Variants in CRYBB3 observed in about 807,000 individuals in gnomAD.
The protein encoded by CRYBB3 is beta-crystallin B3.
CRYBB3 carries 35 observed loss-of-function variants against 28.3 expected under a neutral mutation model. That is an observed-to-expected ratio of 1.24 (90% CI 0.95 to 1.64). The LOEUF is 1.64. Ranked by LOEUF, CRYBB3 falls within the 40% of genes most tolerant of loss-of-function variation. The probability of loss-of-function intolerance (pLI) is 0.00; values close to 1 mark genes in which losing one functional copy is unlikely to be tolerated. For synonymous variants in CRYBB3, 106 were observed against 110.4 expected, an observed-to-expected ratio of 0.96 and a Z score of 0.25; for missense variants, 296 against 297.4, an observed-to-expected ratio of 1.00 and a Z score of 0.04.
chr22:25,200,578 G>T (rs1601405920), intron 1 of CRYBB3, among the ~76,000 whole-genome samples: 1 of 152,188 alleles, frequency 6.6e-6, no homozygotes, highest in Admixed American at 6.5e-5. Context: ...ACAGTCCTGT[G>T]TGTGTCCATG....
At position 25,201,376 on chromosome 22, in the gene CRYBB3, G is replaced by A. The variant is rs749294708; in HGVS notation, c.-20-1G>A. The A allele has an allele frequency of 1.1e-5, 18 of 1,612,680 alleles. No individual in the cohort carries two copies. The South Asian group carries it at 1.9e-4, about 17-fold the overall frequency. ...GTGAACCATTTTCTTTTGGTTTGAA[G>A]CCAGAGGTGTTCCTGGGGAGATGGC... is the stretch of plus-strand genomic sequence containing the variant. On this transcript the variant is annotated splice_acceptor_variant, in intron 1 of 5. Coordinates refer to ENST00000215855, the MANE Select transcript of CRYBB3 (RefSeq NM_004076.5). LOFTEE classifies it low-confidence loss of function (5UTR_SPLICE).
In CRYBB3 at chr22:25,202,686, G is replaced by A. The variant is rs369309849; in HGVS notation, c.88G>A (p.Glu30Lys). 3.2e-5 allele frequency: 52 copies of A among 1,613,780 alleles called. No individual in the cohort carries two copies. The highest frequency in any genetic ancestry group is 4.0e-5 in the Non-Finnish European group (47 of 1,179,936). ...LGGSYKVILY[E>K]LENFQGKRCE... Reference sequence around the variant, plus strand: ...TCTGCTCTTCTAGGTGATCTTGTACGAACTAGAGAACTTCCAAGGCAAACG... The same window carrying A: ...TCTGCTCTTCTAGGTGATCTTGTACAAACTAGAGAACTTCCAAGGCAAACG... Residue 30 changes from glutamate to lysine, a missense_variant, in exon 3 of 6, where the codon GAA becomes AAA. Physicochemically the swap from Glu to Lys is moderately conservative, Grantham distance 56. Coordinates refer to ENST00000215855, the MANE Select transcript of CRYBB3 (RefSeq NM_004076.5).
At chr22:25,203,347 G>A (rs913767193) in intron 3 of CRYBB3, among the ~76,000 whole-genome samples, 1 of 152,166 alleles carries the variant, frequency 6.6e-6, no homozygotes, top group African/African-American at 2.4e-5. Flanking sequence ...GTTGAATGGG[G>A]ATAACAATGG....
At chr22:25,204,004 C>A (rs1314350686) in intron 4 of CRYBB3, 109 bp downstream of exon 4, 2 of 1,386,662 alleles carry the variant, frequency 1.4e-6, no homozygotes, top group Non-Finnish European at 2.0e-6. Context: ...CCCATATGGA[C>A]CTGGCCTGGG....
intron 3 of CRYBB3, 24 bp downstream of exon 3, chr22:25,202,816 C>G (rs1934972182): frequency 6.2e-7 from 1 of 1,612,486 alleles, no homozygotes; most frequent in South Asian, 1.1e-5. Context: ...CCCCCAGTCC[C>G]TCGCCACAGC....
intron 4 of CRYBB3, 60 bp from the exon 5 acceptor site, chr22:25,205,159 GC>G: frequency 3.1e-6 from 5 of 1,608,370 alleles, no homozygotes; most frequent in Non-Finnish European, 3.4e-6. Context: ...GGCATCTGGA[GC>G]CTCCTTGACC....
chr22:25,207,247 T>TG lies in CRYBB3; in HGVS notation c.*41dup. On this transcript the variant is annotated 3_prime_UTR_variant, in exon 6 of 6. Transcript: ENST00000215855. Reference sequence around the variant, plus strand: ...AGACTTCAAGGACCCAGACCCACCCTGGGGGGCTGCAAGGGCAAGAAGAGG... The same window carrying TG: ...AGACTTCAAGGACCCAGACCCACCCTGGGGGGGCTGCAAGGGCAAGAAGAGG... The TG allele has an allele frequency of 1.3e-6, 2 of 1,595,002 alleles. No individual in the cohort carries two copies. The highest frequency in any genetic ancestry group is 8.6e-7 in the Non-Finnish European group (1 of 1,169,296).
intron 4 of CRYBB3, 98 bp from the exon 5 acceptor site, chr22:25,205,122 T>C: frequency 6.5e-7 from 1 of 1,542,898 alleles, no homozygotes; most frequent in Admixed American, 1.7e-5. Flanking sequence ...GTGGGTGTTA[T>C]TTTGTGGTGA....
chr22:25,204,192 CA>C (rs2146074237), intron 4 of CRYBB3, among the ~76,000 whole-genome samples: 1 of 152,300 alleles, frequency 6.6e-6, no homozygotes, highest in Non-Finnish European at 1.5e-5. Flanking sequence ...AGTCTCAAAT[CA>C]GTATTGTTAT....
At chr22:25,205,597 C>T (rs1935019970) in intron 5 of CRYBB3, among the ~76,000 whole-genome samples, 1 of 152,088 alleles carries the variant, frequency 6.6e-6, no homozygotes, top group South Asian at 2.1e-4. Context: ...GTAGCTGGGA[C>T]TACAGGCGCC....
Position 25,202,469 on chromosome 22 carries a change from C to G in CRYBB3, c.76-205C>G, listed in dbSNP as rs747588930. Among the ~76,000 whole-genome samples the G allele has an allele frequency of 6.0e-4, 92 of 152,196 alleles. 1 individual carries two copies. The highest frequency in any genetic ancestry group is 2.8e-4 in the Non-Finnish European group (19 of 68,036). The stretch of plus-strand genomic sequence containing the variant: ...TCCTGCTGGACATCAGAGTTGCAAT[C>G]ACTAGTTTAATTGGTCTCATTGAAG... On this transcript the variant is annotated intron_variant, in intron 2 of 5. Transcript: ENST00000215855.
chr22:25,205,490 T>G, intron 5 of CRYBB3, 128 bp downstream of exon 5: 1 of 1,160,544 alleles, frequency 8.6e-7, no homozygotes, highest in Non-Finnish European at 1.1e-6. Flanking sequence ...GACGGAGTCT[T>G]GCTCTGTCGC....
chr22:25,202,807 C>G lies in CRYBB3; in HGVS notation c.194+15C>G. ...GAGTCCGGGCCGTGAGTACCTAGAC[C>G]CCCAGTCCCTCGCCACAGCCCTGAG... On this transcript the variant is annotated intron_variant, in intron 3 of 5. Transcript: ENST00000215855. 1.2e-6 allele frequency: 2 copies of G among 1,613,206 alleles called. No homozygotes were observed. Among genetic ancestry groups the G allele is most frequent in the Non-Finnish European group, 1.7e-6 (2 of 1,179,864 alleles).
intron 4 of CRYBB3, 120 bp downstream of exon 4, chr22:25,204,015 A>C: frequency 8.3e-7 from 1 of 1,211,172 alleles, no homozygotes; most frequent in Non-Finnish European, 1.2e-6. Flanking sequence ...CTGGCCTGGG[A>C]AGGGCCCTCA....
Position 25,199,897 on chromosome 22 carries a change from G to A in CRYBB3, c.-33G>A, listed in dbSNP as rs1934911372. ...CCGTGGCTCCTCTGTTCTTCCCGAG[G>A]CTACAGCAACAGGTTCATTCTGGGA... On this transcript the variant is annotated 5_prime_UTR_variant, in exon 1 of 6. Coordinates refer to ENST00000215855, the MANE Select transcript of CRYBB3 (RefSeq NM_004076.5). The A allele has an allele frequency of 6.6e-6, 1 of 152,390 alleles. No individual in the cohort carries two copies. The highest frequency in any genetic ancestry group is 2.1e-4 in the South Asian group (1 of 4,818). The allele number at this position is 152,390 out of a possible 1,614,324, so 9.4% of individuals were successfully genotyped here.
chr22:25,201,919 C>T (rs1211083162), intron 2 of CRYBB3, among the ~76,000 whole-genome samples: 3 of 152,102 alleles, frequency 2.0e-5, no homozygotes, highest in Non-Finnish European at 2.9e-5. Context: ...ATGAGTGAAG[C>T]CAGCTAGCAG....
chr22:25,203,675 CA>C, intron 3 of CRYBB3, 87 bp from the exon 4 acceptor site: 1 of 1,484,978 alleles, frequency 6.7e-7, no homozygotes, highest in Non-Finnish European at 9.4e-7. Flanking sequence ...GGTTCAAGGT[CA>C]GCAGCTCTTG....
intron 4 of CRYBB3, among the ~76,000 whole-genome samples, chr22:25,204,724 GACACTTTAA>G (rs1478268181): frequency 1.3e-5 from 2 of 152,110 alleles, no homozygotes; most frequent in Non-Finnish European, 2.9e-5. Context: ...GGCCCACAGT[GACACTTTAA>G]ACACCACCCT....
Position 25,207,185 on chromosome 22 carries a change from C to CA in CRYBB3, c.611dup (p.Arg205AlafsTer?). Reference sequence around the variant, plus strand: ...GCCGCATCCGTGACCAGAAGTGGCACAAGCGGGGCCGCTTCCCCAGCAGCT... The same window carrying CA: ...GCCGCATCCGTGACCAGAAGTGGCACAAAGCGGGGCCGCTTCCCCAGCAGCT... On this transcript the variant is annotated frameshift_variant, in exon 6 of 6. Coordinates refer to ENST00000215855, the MANE Select transcript of CRYBB3 (RefSeq NM_004076.5). LOFTEE classifies it high-confidence loss of function. 1 of 1,613,348 alleles carries CA rather than the reference C, an allele frequency of 6.2e-7. No homozygotes were observed. Among genetic ancestry groups the CA allele is most frequent in the Non-Finnish European group, 8.5e-7 (1 of 1,179,798 alleles).
Sources: allele counts gnomAD v4.1 joint callset (sites outside exome capture counted in the v4.1 genomes callset), GRCh38; gene constraint gnomAD v4.1.1; transcripts MANE v1.5; gene names NCBI Gene and HGNC (gene_info 2026-07-23, HGNC 2026-07-21).